AUTS2: variants seen among roughly 807,000 people sequenced by gnomAD.
AUTS2 encodes autism susceptibility gene 2 protein.
Under a neutral mutation model 112.4 loss-of-function variants are expected in AUTS2, and 17 were observed. The ratio of observed to expected loss-of-function variants is 0.15; its 90% CI spans 0.10 to 0.23. AUTS2 has a LOEUF of 0.23. Ranked by LOEUF, AUTS2 falls within the 10% of genes least tolerant of loss-of-function variation. The pLI is 1.00. For missense variants in AUTS2, 1,510 were observed against 1,701.6 expected, an observed-to-expected ratio of 0.89 and a Z score of 1.98; for synonymous variants, 751 against 702.7, an observed-to-expected ratio of 1.07 and a Z score of -1.09.
intron 5 of AUTS2, among the ~76,000 whole-genome samples, chr7:70,697,442 C>T (rs1282264677): frequency 6.6e-6 from 1 of 151,750 alleles, no homozygotes; most frequent in East Asian, 1.9e-4. Flanking sequence ...AGAACATGTC[C>T]CCCAGATGTA....
chr7:69,771,617 G>A (rs1038704789), intron 1 of AUTS2, among the ~76,000 whole-genome samples: 4 of 152,124 alleles, frequency 2.6e-5, no homozygotes. Flanking sequence ...GGACTCCTTG[G>A]TCAAGAAGAG....
In AUTS2 at chr7:70,790,648, G is replaced by A. The variant is rs1223919832; in HGVS notation, c.3432G>A (p.Glu1144=). 6.2e-7 allele frequency: 1 copy of A among 1,612,880 alleles called. No individual in the cohort carries two copies. The highest frequency in any genetic ancestry group is 2.2e-5 in the East Asian group (1 of 44,826). The change falls in exon 19 of 19, where the codon GAG becomes GAA. Residue 1144 remains glutamate (E), a synonymous_variant. Coordinates refer to ENST00000342771, the MANE Select transcript of AUTS2 (RefSeq NM_015570.4). The surrounding 1 kb of genome is among the most constrained non-coding windows in gnomAD (Gnocchi z 7.6). ...CTGTGGACCCTCGGCGGGAGCACGA[G>A]CGGGGAGGCCACCTGGACGAGCGGG... ...PLSVDPRREH[E]RGGHLDERER...
chr7:69,621,679 C>G (rs2533450), intron 1 of AUTS2, among the ~76,000 whole-genome samples: 144,081 of 152,252 alleles, frequency 0.95, 68,281 homozygotes, highest in East Asian at 1. Context: ...GGATGAACTA[C>G]ATTAAAATAA....
At chr7:70,461,474 C>T (rs1452101682) in intron 5 of AUTS2, among the ~76,000 whole-genome samples, 1 of 152,110 alleles carries the variant, frequency 6.6e-6, no homozygotes, top group Non-Finnish European at 1.5e-5. Context: ...CGAGTCCCTG[C>T]GTTCCCACCC....
At chr7:70,644,581 TC>T (rs1331442289) in intron 5 of AUTS2, among the ~76,000 whole-genome samples, 1 of 152,090 alleles carries the variant, frequency 6.6e-6, no homozygotes, top group Non-Finnish European at 1.5e-5. Context: ...TTCACTTGCC[TC>T]CCCTGGGGCA....
At chr7:69,988,120 A>G (rs771804895) in intron 2 of AUTS2, among the ~76,000 whole-genome samples, 5 of 152,216 alleles carry the variant, frequency 3.3e-5, no homozygotes, top group Non-Finnish European at 4.4e-5. Flanking sequence ...TTGATATATT[A>G]CTTTTAACAA....
intron 4 of AUTS2, among the ~76,000 whole-genome samples, chr7:70,272,169 A>G (rs942377849): frequency 6.6e-6 from 1 of 152,112 alleles, no homozygotes; most frequent in African/African-American, 2.4e-5. Flanking sequence ...GGCTTGAAAA[A>G]GAGATAAAAT....
chr7:69,694,571 G>A (rs1171351833), intron 1 of AUTS2, among the ~76,000 whole-genome samples: 2 of 152,106 alleles, frequency 1.3e-5, no homozygotes, highest in East Asian at 3.9e-4. Flanking sequence ...TTGGGCTCAC[G>A]AGTTTGAGAC....
intron 4 of AUTS2, among the ~76,000 whole-genome samples, chr7:70,136,158 A>C (rs1806550942): frequency 6.6e-6 from 1 of 152,158 alleles, no homozygotes; most frequent in Admixed American, 6.5e-5. Flanking sequence ...TATTCTTATG[A>C]TTTAAAGAGT....
chr7:70,610,107 C>T (rs554555135), intron 5 of AUTS2, among the ~76,000 whole-genome samples: 10 of 152,082 alleles, frequency 6.6e-5, no homozygotes, highest in Non-Finnish European at 1.3e-4. Flanking sequence ...TAAAGCGATG[C>T]TCTTGCCTTA....
chr7:70,216,717 G>T (rs756220913), intron 4 of AUTS2, among the ~76,000 whole-genome samples: 2 of 152,118 alleles, frequency 1.3e-5, no homozygotes, highest in Non-Finnish European at 2.9e-5. Context: ...CCTCCCAGTG[G>T]CATTTGCTTC....
At chr7:70,610,417 G>A (rs1415238511) in intron 5 of AUTS2, among the ~76,000 whole-genome samples, 3 of 138,246 alleles carry the variant, frequency 2.2e-5, no homozygotes, top group African/African-American at 5.4e-5. Flanking sequence ...AAAACTTAGC[G>A]CTCATCTTTT....
At chr7:69,993,685 G>T (rs538479714) in intron 2 of AUTS2, among the ~76,000 whole-genome samples, 1 of 152,014 alleles carries the variant, frequency 6.6e-6, no homozygotes, top group Non-Finnish European at 1.5e-5. Context: ...AGTGAGCCGT[G>T]ATCATATTAC....
At chr7:70,050,811 A>G (rs796386219) in intron 2 of AUTS2, among the ~76,000 whole-genome samples, 5 of 152,276 alleles carry the variant, frequency 3.3e-5, no homozygotes, top group African/African-American at 1.2e-4. Context: ...CCTGGCCAAT[A>G]TGGCGAAACC....
In AUTS2 at chr7:70,453,437, C is replaced by T. The variant is rs1390231248; in HGVS notation, c.690+17656C>T. On this transcript the variant is annotated intron_variant, in intron 5 of 18. Coordinates refer to ENST00000342771, the MANE Select transcript of AUTS2 (RefSeq NM_015570.4). ...CATAGGATGTGTTCAGTTTAAGTAA[C>T]AGAATGCCTGATAGTGGCTTTGTCC... Among the ~76,000 whole-genome samples the T allele has an allele frequency of 2.6e-5, 4 of 152,196 alleles. No individual in the cohort carries two copies. The East Asian group carries it at 7.7e-4, about 29-fold the overall frequency.
rs151117423 is a variant in AUTS2 at position 70,602,314 on chromosome 7, T to C, written c.691-96255T>C. Among the ~76,000 whole-genome samples, 1,228 of 152,344 alleles carry C rather than the reference T, an allele frequency of 8.1e-3. 17 individuals carry two copies. Among genetic ancestry groups the C allele is most frequent in the African/African-American group, 0.028 (1,158 of 41,584 alleles). The stretch of plus-strand genomic sequence containing the variant: ...GGAAACCAAAGCTCCAGGAAGTGAC[T>C]TGGCTAATGTCACCGGTTGGACTGT... On this transcript the variant is annotated intron_variant, in intron 5 of 18. Coordinates refer to ENST00000342771, the MANE Select transcript of AUTS2 (RefSeq NM_015570.4).
intron 5 of AUTS2, among the ~76,000 whole-genome samples, chr7:70,688,223 A>G (rs1019879362): frequency 1.3e-5 from 2 of 152,192 alleles, no homozygotes; most frequent in Admixed American, 6.5e-5. Flanking sequence ...CCGTGTCTTC[A>G]TTCCTCTCAT....
intron 1 of AUTS2, among the ~76,000 whole-genome samples, chr7:69,732,032 G>T (rs977209562): frequency 1.3e-5 from 2 of 151,752 alleles, no homozygotes; most frequent in African/African-American, 4.8e-5. Flanking sequence ...TGCCTCACTA[G>T]CCTAGTATCA....
At chr7:69,622,625 C>A (rs1243484236) in intron 1 of AUTS2, among the ~76,000 whole-genome samples, 1 of 152,176 alleles carries the variant, frequency 6.6e-6, no homozygotes, top group East Asian at 1.9e-4. Flanking sequence ...ACTGAAGACC[C>A]AGAATCCCAT....
Sources: allele counts gnomAD v4.1 joint callset (sites outside exome capture counted in the v4.1 genomes callset), GRCh38; gene constraint gnomAD v4.1.1; non-coding constraint Gnocchi (gnomAD v3.1); transcripts MANE v1.5; gene names NCBI Gene and HGNC (gene_info 2026-07-23, HGNC 2026-07-21).